The following AKR1C3 variants were observed in gnomAD, a reference collection of about 807,000 sequenced individuals.
AKR1C3 encodes aldo-keto reductase family 1 member C3, also known as 3-alpha hydroxysteroid dehydrogenase, type II.
In AKR1C3, 48 loss-of-function variants were observed where a neutral mutation model predicts 43.6. The observed-to-expected ratio is 1.10, with a 90% CI of 0.87 to 1.40. The LOEUF (loss-of-function observed/expected upper bound fraction) is 1.40, where lower values mean the gene tolerates loss of function less well. Ranked by LOEUF, AKR1C3 falls within the 40% of genes most tolerant of loss-of-function variation. The probability of loss-of-function intolerance (pLI) is 0.00; values close to 1 mark genes in which losing one functional copy is unlikely to be tolerated. For synonymous variants in AKR1C3, 162 were observed against 139.6 expected (o/e 1.16, Z -1.13); for missense variants, 482 against 391.2 (o/e 1.23, Z -1.96).
intron 1 of AKR1C3, among the ~76,000 whole-genome samples, chr10:5,067,176 T>C (rs1838523897): frequency 6.6e-6 from 1 of 152,146 alleles, no homozygotes; most frequent in Admixed American, 6.5e-5. Context: ...GCAAATTCCT[T>C]AAACAAAAGT....
chr10:5,104,015 C>A (rs1408752312), intron 7 of AKR1C3, among the ~76,000 whole-genome samples: 6 of 151,848 alleles, frequency 4.0e-5, no homozygotes, highest in Non-Finnish European at 8.8e-5. Context: ...GGGTATTAAT[C>A]GTTTAGAGAT....
intron 3 of AKR1C3, chr10:5,098,115 C>A: frequency 1.0e-6 from 1 of 986,554 alleles, no homozygotes; most frequent in South Asian, 4.7e-5. Flanking sequence ...TTTAAAGTTA[C>A]AGAAAACTAC....
intron 3 of AKR1C3, among the ~76,000 whole-genome samples, chr10:5,098,413 A>G (rs950166817): frequency 2.4e-4 from 37 of 152,096 alleles, no homozygotes; most frequent in African/African-American, 7.5e-4. Flanking sequence ...AAGACTATCA[A>G]CTCTTCAGGT....
At chr10:5,050,566 A>G (rs187315366) in intron 1 of AKR1C3, among the ~76,000 whole-genome samples, 157 of 152,352 alleles carry the variant, frequency 1.0e-3, no homozygotes, top group African/African-American at 3.2e-3. Context: ...ACAATGGCAC[A>G]TTGTAAGAAC....
intron 1 of AKR1C3, among the ~76,000 whole-genome samples, chr10:5,053,016 C>A (rs1358252194): frequency 6.6e-6 from 1 of 152,124 alleles, no homozygotes; most frequent in Non-Finnish European, 1.5e-5. Flanking sequence ...TGGTGTATTT[C>A]CAATCCCTTA....
chr10:5,086,090 A>G (rs1484405335), intron 1 of AKR1C3, among the ~76,000 whole-genome samples: 1 of 151,380 alleles, frequency 6.6e-6, no homozygotes, highest in South Asian at 2.1e-4. Context: ...TTCTGCTCTG[A>G]TCTTAGTTAT....
rs140008991 is a variant in AKR1C3, at chr10:5,107,084, T to A, written c.930-377T>A. ...AGCTCCTTGGATATTAGACCCTATA[T>A]CATATATAACAATTTACATTTCTGA... On this transcript the variant is annotated intron_variant, in intron 8 of 8. Transcript: ENST00000380554. Among the ~76,000 whole-genome samples the A allele has an allele frequency of 2.4e-4, 36 of 152,260 alleles. 1 individual carries two copies. The highest frequency in any genetic ancestry group is 7.9e-4 in the African/African-American group (33 of 41,556).
intron 1 of AKR1C3, among the ~76,000 whole-genome samples, chr10:5,066,637 C>G (rs1374596417): frequency 6.6e-6 from 1 of 152,128 alleles, no homozygotes; most frequent in Non-Finnish European, 1.5e-5. Context: ...TCGAAGGTCC[C>G]CATAAGCCAA....
At chr10:5,060,294 G>T (rs1159032302) in intron 1 of AKR1C3, among the ~76,000 whole-genome samples, 1 of 152,152 alleles carries the variant, frequency 6.6e-6, no homozygotes, top group Non-Finnish European at 1.5e-5. Context: ...TCTCTTTTCT[G>T]GTCCCACCCA....
intron 1 of AKR1C3, among the ~76,000 whole-genome samples, chr10:5,054,606 T>C (rs1435145939): frequency 6.6e-6 from 1 of 152,234 alleles, no homozygotes; most frequent in Admixed American, 6.5e-5. Flanking sequence ...TTTTTTTCTT[T>C]ACTACTTCCA....
chr10:5,098,748 T>A, intron 3 of AKR1C3, 54 bp from the exon 4 acceptor site: 1 of 1,460,714 alleles, frequency 6.8e-7, no homozygotes, highest in Non-Finnish European at 9.6e-7. Flanking sequence ...GGGTTACAGC[T>A]ATGAGTGGAG....
intron 7 of AKR1C3, among the ~76,000 whole-genome samples, chr10:5,103,408 G>A (rs1036734344): frequency 2.0e-5 from 3 of 151,882 alleles, no homozygotes; most frequent in Admixed American, 6.6e-5. Flanking sequence ...CTATTAAATA[G>A]AGCTGTTAAA....
chr10:5,077,432 G>A (rs1409065934), intron 1 of AKR1C3, among the ~76,000 whole-genome samples: 1 of 152,124 alleles, frequency 6.6e-6, no homozygotes, highest in Non-Finnish European at 1.5e-5. Context: ...TTAGAATGAT[G>A]TTCTTGTGGG....
chr10:5,080,149 G>A (rs71477899), intron 1 of AKR1C3, among the ~76,000 whole-genome samples: 2 of 143,556 alleles, frequency 1.4e-5, no homozygotes, highest in African/African-American at 5.3e-5. Flanking sequence ...GACATAGGCC[G>A]GTAAGAGCGT....
upstream of AKR1C3, among the ~76,000 whole-genome samples, chr10:5,089,833 T>C (rs1003635795): frequency 1.3e-5 from 2 of 152,192 alleles, no homozygotes; most frequent in Non-Finnish European, 2.9e-5. Flanking sequence ...ATTCTTGTAC[T>C]GGATTTTTTT....
chr10:5,049,260 C>G (rs1235624987), intron 1 of AKR1C3, among the ~76,000 whole-genome samples: 1 of 152,132 alleles, frequency 6.6e-6, no homozygotes, highest in Non-Finnish European at 1.5e-5. Context: ...CTGAAGAAAT[C>G]TTTTCTTCTT....
At chr10:5,101,457 TCAAAGA>T (rs57679569) in intron 5 of AKR1C3, among the ~76,000 whole-genome samples, 37,947 of 151,794 alleles carry the variant, frequency 0.25, 5,347 homozygotes, top group East Asian at 0.63. Context: ...CAAATATTCC[TCAAAGA>T]CAAAGTTTAA....
intron 1 of AKR1C3, among the ~76,000 whole-genome samples, chr10:5,068,325 A>C (rs1233815399): frequency 6.6e-6 from 1 of 152,190 alleles, no homozygotes; most frequent in Non-Finnish European, 1.5e-5. Flanking sequence ...CATGTTAAAT[A>C]ATCTTGTTTA....
intron 1 of AKR1C3, among the ~76,000 whole-genome samples, chr10:5,054,239 G>T (rs1186848525): frequency 4.6e-5 from 7 of 152,220 alleles, no homozygotes; most frequent in Non-Finnish European, 7.3e-5. Flanking sequence ...TGTAAAGTAA[G>T]AATAGATTTC....
Sources: gnomAD v4.1 joint callset for allele counts (sites outside exome capture counted in the v4.1 genomes callset) on GRCh38, gnomAD v4.1.1 for gene constraint, MANE v1.5 for transcripts, NCBI Gene and HGNC (gene_info 2026-07-23, HGNC 2026-07-21) for gene names.